The following EPHA6 variants were observed in gnomAD, a reference collection of about 807,000 sequenced individuals.
EPHA6 encodes EPH receptor A6.
A neutral mutation model predicts 112.0 loss-of-function variants in EPHA6; 50 were observed. The observed-to-expected ratio is 0.45, with a 90% CI of 0.36 to 0.56. EPHA6 has a LOEUF of 0.56. Among genes scored for constraint, EPHA6 ranks in the 20% least tolerant of loss-of-function variants. The probability of loss-of-function intolerance (pLI) is 0.00; values close to 1 mark genes in which losing one functional copy is unlikely to be tolerated. For missense variants in EPHA6, 1,280 were observed against 1,417.4 expected (o/e 0.90, Z 1.56); for synonymous variants, 529 against 490.7 (o/e 1.08, Z -1.03).
At chr3:97,246,718 G>C (rs1047141558) in intron 5 of EPHA6, among the ~76,000 whole-genome samples, 1 of 151,648 alleles carries the variant, frequency 6.6e-6, no homozygotes, top group African/African-American at 2.4e-5. Flanking sequence ...ATATTGTCAT[G>C]TATATACTAA....
At chr3:97,266,593 T>C (rs1313244380) in intron 5 of EPHA6, among the ~76,000 whole-genome samples, 1 of 152,176 alleles carries the variant, frequency 6.6e-6, no homozygotes, top group Admixed American at 6.5e-5. Context: ...CTTGAAAACT[T>C]TGTAAATCCA....
intron 3 of EPHA6, among the ~76,000 whole-genome samples, chr3:97,032,108 T>C (rs944196285): frequency 6.6e-6 from 1 of 152,160 alleles, no homozygotes; most frequent in Non-Finnish European, 1.5e-5. Flanking sequence ...CATGGAATAC[T>C]ATGCAGCCAT....
chr3:97,175,274 G>A (rs1318947475), intron 3 of EPHA6, among the ~76,000 whole-genome samples: 4 of 151,900 alleles, frequency 2.6e-5, no homozygotes, highest in African/African-American at 7.2e-5. Flanking sequence ...TTTCATGCCA[G>A]TACCATGCTG....
Position 97,753,902 on chromosome 3 carries a change from C to CT in EPHA6, c.*5208dup, listed in dbSNP as rs1396701085. 2.0e-5 allele frequency among the ~76,000 whole-genome samples: 3 copies of CT among 151,708 alleles called. No individual in the cohort carries two copies. The highest frequency in any genetic ancestry group is 2.9e-5 in the Non-Finnish European group (2 of 67,910). ...AAAGATTTCTCAGGATAAAAATTAA[C>CT]TTTTTTTGTTATAAGTGGATGTGGC... On this transcript the variant is annotated 3_prime_UTR_variant, in exon 18 of 18. Transcript: ENST00000389672.
chr3:97,118,739 A>T (rs368505084), intron 3 of EPHA6, among the ~76,000 whole-genome samples: 1 of 151,966 alleles, frequency 6.6e-6, no homozygotes, highest in Non-Finnish European at 1.5e-5. Flanking sequence ...AACTTCCCTA[A>T]TATTCAATTT....
chr3:97,205,634 T>C (rs1299031318), intron 3 of EPHA6, among the ~76,000 whole-genome samples: 1 of 152,046 alleles, frequency 6.6e-6, no homozygotes, highest in East Asian at 1.9e-4. Context: ...TATGGGAAGA[T>C]GGTATACCTA....
intron 3 of EPHA6, among the ~76,000 whole-genome samples, chr3:97,042,109 C>T (rs982523313): frequency 3.9e-5 from 6 of 152,016 alleles, no homozygotes; most frequent in East Asian, 1.9e-4. Context: ...TATTTGTCTC[C>T]GCCCAAATCT....
chr3:97,502,904 T>A (rs955255604), intron 10 of EPHA6, among the ~76,000 whole-genome samples: 1 of 150,150 alleles, frequency 6.7e-6, no homozygotes, highest in African/African-American at 2.4e-5. Flanking sequence ...TGCTTTAGTC[T>A]TCACAAATAG....
intron 3 of EPHA6, 51 bp downstream of exon 3, chr3:96,988,044 A>T: frequency 7.0e-7 from 1 of 1,419,800 alleles, no homozygotes. Context: ...TGATTTTAAA[A>T]AAGTTTTATT....
intron 5 of EPHA6, among the ~76,000 whole-genome samples, chr3:97,246,514 A>T (rs1170259956): frequency 6.6e-6 from 1 of 151,882 alleles, no homozygotes; most frequent in Non-Finnish European, 1.5e-5. Context: ...AAGAGGTGGT[A>T]TACATATATT....
At chr3:97,681,834 A>G (rs577901182) in intron 14 of EPHA6, among the ~76,000 whole-genome samples, 1 of 152,150 alleles carries the variant, frequency 6.6e-6, no homozygotes, top group South Asian at 2.1e-4. Flanking sequence ...ACTAAACTCA[A>G]CAGTTCCTAC....
chr3:97,357,927 G>A (rs2084168287), intron 5 of EPHA6, among the ~76,000 whole-genome samples: 1 of 152,068 alleles, frequency 6.6e-6, no homozygotes, highest in Non-Finnish European at 1.5e-5. Context: ...TGAGTAGGCT[G>A]AGGAGAAGAA....
intron 2 of EPHA6, among the ~76,000 whole-genome samples, chr3:96,880,318 A>T (rs1174502532): frequency 1.3e-5 from 2 of 152,030 alleles, no homozygotes; most frequent in Non-Finnish European, 2.9e-5. Flanking sequence ...ACCCACAAAT[A>T]CTTAAAGTAT....
rs1469382582 is a variant in EPHA6, at chr3:97,749,878, A to G, written c.*1177A>G. On this transcript the variant is annotated 3_prime_UTR_variant, in exon 18 of 18. Coordinates refer to ENST00000389672, the MANE Select transcript of EPHA6 (RefSeq NM_001080448.3). ...TTTCGAAACCTTCTAAGAAATAAGT[A>G]TGAATACTCCAAAGAGCATATAAAC... Among the ~76,000 whole-genome samples, 1 of 152,208 alleles carries G rather than the reference A, an allele frequency of 6.6e-6. No individual in the cohort carries two copies. The highest frequency in any genetic ancestry group is 1.5e-5 in the Non-Finnish European group (1 of 68,028).
intron 3 of EPHA6, among the ~76,000 whole-genome samples, chr3:97,024,682 A>C (rs1210564431): frequency 6.6e-6 from 1 of 152,174 alleles, no homozygotes; most frequent in East Asian, 1.9e-4. Flanking sequence ...TCTATGAGCC[A>C]AGTGTTGTAT....
intron 2 of EPHA6, among the ~76,000 whole-genome samples, chr3:96,891,041 T>C (rs889536420): frequency 4.6e-5 from 7 of 152,132 alleles, no homozygotes; most frequent in African/African-American, 1.7e-4. Flanking sequence ...TGAGAACTTG[T>C]GCCACTGCAC....
chr3:96,987,123 A>G (rs888477143), intron 2 of EPHA6, among the ~76,000 whole-genome samples: 1 of 152,214 alleles, frequency 6.6e-6, no homozygotes, highest in African/African-American at 2.4e-5. Context: ...ATGTGTAGGA[A>G]GGCAAGACAG....
rs1045712471 is a variant in EPHA6 at position 97,145,052 on chromosome 3, A to G, written c.1115-81212A>G. 2.0e-5 allele frequency among the ~76,000 whole-genome samples: 3 copies of G among 151,580 alleles called. No individual in the cohort carries two copies. In the East Asian group the frequency reaches 5.8e-4, roughly 29 times the overall value. ...GCTCTTCAGAAAAATGGTATAGAAT[A>G]TAAGTATTTAAACTCTTTGCATATC... On this transcript the variant is annotated intron_variant, in intron 3 of 17. Transcript: ENST00000389672.
chr3:97,181,573 G>A (rs2108452275), intron 3 of EPHA6, among the ~76,000 whole-genome samples: 1 of 134,588 alleles, frequency 7.4e-6, no homozygotes, highest in Middle Eastern at 3.6e-3. Context: ...AATAGCAGAA[G>A]TGTATATATA....
Sources: allele counts gnomAD v4.1 joint callset (sites outside exome capture counted in the v4.1 genomes callset), GRCh38; gene constraint gnomAD v4.1.1; transcripts MANE v1.5; gene names NCBI Gene and HGNC (gene_info 2026-07-23, HGNC 2026-07-21).